TMEM132C: variants seen among roughly 807,000 people sequenced by gnomAD.
TMEM132C encodes transmembrane protein 132C, also known as protein phosphatase 1, regulatory subunit 152.
Under a neutral mutation model 61.4 loss-of-function variants are expected in TMEM132C, and 29 were observed. That is an observed-to-expected ratio of 0.47 (90% confidence interval 0.35 to 0.64). The LOEUF is 0.64. Among genes scored for constraint, TMEM132C ranks in the 30% least tolerant of loss-of-function variants. TMEM132C has a pLI of 0.00. For synonymous variants in TMEM132C, 656 were observed against 633.1 expected (o/e 1.04, Z -0.54); for missense variants, 1,408 against 1,476.9 (o/e 0.95, Z 0.76).
intron 2 of TMEM132C, among the ~76,000 whole-genome samples, chr12:128,469,773 T>C (rs1870881059): frequency 6.6e-6 from 1 of 151,136 alleles, no homozygotes; most frequent in South Asian, 2.1e-4. Flanking sequence ...CATGCATTTA[T>C]GTGTATATAA....
In TMEM132C at chr12:128,310,517, G is replaced by C. The variant is rs983010753; in HGVS notation, c.85+43030G>C. 2.6e-5 allele frequency among the ~76,000 whole-genome samples: 4 copies of C among 152,096 alleles called. No homozygotes were observed. The South Asian group carries it at 6.2e-4, about 24-fold the overall frequency. On this transcript the variant is annotated intron_variant, in intron 1 of 8. Transcript: ENST00000435159. ...GGTGGGGGGGTTTGCCACACACAAG[G>C]GAGCAAGCAAGAGAGAGTGGGGTCG...
chr12:128,492,311 A>G (rs1871766741), intron 2 of TMEM132C, among the ~76,000 whole-genome samples: 1 of 152,172 alleles, frequency 6.6e-6, no homozygotes, highest in Non-Finnish European at 1.5e-5. Flanking sequence ...CAATAAACAT[A>G]CATGTGCATG....
intron 5 of TMEM132C, among the ~76,000 whole-genome samples, chr12:128,674,579 A>G (rs1247410505): frequency 6.6e-6 from 1 of 152,190 alleles, no homozygotes; most frequent in Non-Finnish European, 1.5e-5. Context: ...CACGAGTCAT[A>G]TCTGAGGGTT....
chr12:128,530,397 G>A (rs1276529983), intron 2 of TMEM132C, among the ~76,000 whole-genome samples: 2 of 151,876 alleles, frequency 1.3e-5, no homozygotes, highest in Non-Finnish European at 1.5e-5. Flanking sequence ...CAGGCTACCT[G>A]ACATCACTGA....
intron 3 of TMEM132C, among the ~76,000 whole-genome samples, chr12:128,601,746 A>C (rs996918148): frequency 1.4e-5 from 2 of 147,588 alleles, no homozygotes; most frequent in Middle Eastern, 3.4e-3. Context: ...GTGGAGGGAC[A>C]GCTTATTATT....
chr12:128,445,866 G>A (rs1869964043), intron 2 of TMEM132C, among the ~76,000 whole-genome samples: 1 of 152,094 alleles, frequency 6.6e-6, no homozygotes, highest in Non-Finnish European at 1.5e-5. Context: ...CAGACAGGCA[G>A]CCAAGCCCCT....
chr12:128,399,818 A>AGT (rs1271848986), intron 1 of TMEM132C, among the ~76,000 whole-genome samples: 1 of 152,078 alleles, frequency 6.6e-6, no homozygotes, highest in Non-Finnish European at 1.5e-5. Context: ...TAGTTGGAAA[A>AGT]GTGTTGTTTA....
chr12:128,486,031 C>T (rs910992044), intron 2 of TMEM132C, among the ~76,000 whole-genome samples: 16 of 152,060 alleles, frequency 1.1e-4, no homozygotes, highest in Admixed American at 1.3e-4. Context: ...ATTTAGGAGA[C>T]GGGGACTGAC....
At chr12:128,565,273 C>T (rs1874657503) in intron 3 of TMEM132C, among the ~76,000 whole-genome samples, 1 of 152,194 alleles carries the variant, frequency 6.6e-6, no homozygotes, top group Admixed American at 6.5e-5. Flanking sequence ...TCCAACTATG[C>T]CTTCATATAA....
rs543977400 is a variant in TMEM132C at position 128,524,118 on chromosome 12, A to G, written c.975-19839A>G. Among the ~76,000 whole-genome samples the G allele has an allele frequency of 7.2e-5, 11 of 152,050 alleles. No individual in the cohort carries two copies. The South Asian group carries it at 1.7e-3, about 23-fold the overall frequency. On this transcript the variant is annotated intron_variant, in intron 2 of 8. Coordinates refer to ENST00000435159, the MANE Select transcript of TMEM132C (RefSeq NM_001136103.3). ...TTTTGAGTCATTCCCATTTCTCTGT[A>G]CTACAACAACATAGACTGGGTTCCT...
intron 1 of TMEM132C, among the ~76,000 whole-genome samples, chr12:128,298,892 C>T (rs559742266): frequency 6.2e-4 from 94 of 152,322 alleles, no homozygotes; most frequent in African/African-American, 2.1e-3. Context: ...ACATGTTGTC[C>T]CCATTTAACT....
intron 5 of TMEM132C, among the ~76,000 whole-genome samples, chr12:128,686,356 C>A (rs1954677056): frequency 6.6e-6 from 1 of 152,164 alleles, no homozygotes; most frequent in Non-Finnish European, 1.5e-5. Flanking sequence ...ATTTGGGAGG[C>A]AAAGGAGGGA....
At chr12:128,306,265 C>T (rs188267427) in intron 1 of TMEM132C, among the ~76,000 whole-genome samples, 12 of 144,822 alleles carry the variant, frequency 8.3e-5, no homozygotes, top group South Asian at 6.6e-4. Flanking sequence ...AGTACAGTGG[C>T]GATCTCAGCT....
At chr12:128,644,633 C>T (rs1954182208) in intron 4 of TMEM132C, among the ~76,000 whole-genome samples, 1 of 152,208 alleles carries the variant, frequency 6.6e-6, no homozygotes, top group Non-Finnish European at 1.5e-5. Context: ...GCACAAGGGA[C>T]TTTCTGCATA....
chr12:128,394,164 T>C (rs1412852754), intron 1 of TMEM132C, among the ~76,000 whole-genome samples: 1 of 152,096 alleles, frequency 6.6e-6, no homozygotes, highest in East Asian at 1.9e-4. Flanking sequence ...ACTCCACTTT[T>C]AAAAACCATC....
At chr12:128,594,023 G>A (rs778238359) in intron 3 of TMEM132C, among the ~76,000 whole-genome samples, 6 of 147,546 alleles carry the variant, frequency 4.1e-5, no homozygotes, top group East Asian at 2.1e-4. Context: ...TCTCAATGCC[G>A]GCCCACCCAC....
In TMEM132C at chr12:128,324,428, C is replaced by T. The variant is rs139100142; in HGVS notation, c.85+56941C>T. Among the ~76,000 whole-genome samples, 508 of 152,314 alleles carry T rather than the reference C, an allele frequency of 3.3e-3. 4 individuals carry two copies. Among genetic ancestry groups the T allele is most frequent in the African/African-American group, 0.012 (492 of 41,566 alleles). On this transcript the variant is annotated intron_variant, in intron 1 of 8. Coordinates refer to ENST00000435159, the MANE Select transcript of TMEM132C (RefSeq NM_001136103.3). Reference sequence around the variant, plus strand: ...CTAGTACTTACTTGCTGACTCTCCACGTCCATGAGTGCATGTGTGTGGGTA... The same window carrying T: ...CTAGTACTTACTTGCTGACTCTCCATGTCCATGAGTGCATGTGTGTGGGTA...
In TMEM132C at chr12:128,363,509, A is replaced by G. The variant is rs534328023; in HGVS notation, c.86-51223A>G. ...CAGAGTCAGTGTGGGTGCACCCACCATGTGTCAGCCACTCTGCCCTGCACA... is the reference window on the plus strand; with the variant it reads ...CAGAGTCAGTGTGGGTGCACCCACCGTGTGTCAGCCACTCTGCCCTGCACA... On this transcript the variant is annotated intron_variant, in intron 1 of 8. Coordinates refer to ENST00000435159, the MANE Select transcript of TMEM132C (RefSeq NM_001136103.3). 6.0e-4 allele frequency among the ~76,000 whole-genome samples: 91 copies of G among 152,266 alleles called. 2 individuals are homozygous for G. The highest frequency in any genetic ancestry group is 1.0e-3 in the Non-Finnish European group (71 of 68,022).
chr12:128,306,069 A>G (rs1311059830), intron 1 of TMEM132C, among the ~76,000 whole-genome samples: 1 of 152,210 alleles, frequency 6.6e-6, no homozygotes, highest in Non-Finnish European at 1.5e-5. Context: ...GACACCAATG[A>G]CACTAGATTT....
Sources: gnomAD v4.1 joint callset for allele counts (sites outside exome capture counted in the v4.1 genomes callset) on GRCh38, gnomAD v4.1.1 for gene constraint, MANE v1.5 for transcripts, NCBI Gene and HGNC (gene_info 2026-07-23, HGNC 2026-07-21) for gene names.